The following KCNH1 variants were observed in gnomAD, a reference collection of about 807,000 sequenced individuals.
KCNH1 encodes the protein potassium voltage-gated channel subfamily H member 1.
KCNH1 carries 27 observed loss-of-function variants against 69.2 expected under a neutral mutation model. The observed-to-expected ratio is 0.39, with a 90% CI of 0.29 to 0.54. The LOEUF is 0.54. Among genes scored for constraint, KCNH1 ranks in the 20% least tolerant of loss-of-function variants. The probability of loss-of-function intolerance (pLI) is 0.68; values close to 1 mark genes in which losing one functional copy is unlikely to be tolerated. For synonymous variants in KCNH1, 456 were observed against 487.7 expected (o/e 0.93, Z 0.86); for missense variants, 798 against 1,261.6 (o/e 0.63, Z 5.57).
chr1:210,791,365 C>T (rs1470097574), intron 9 of KCNH1, among the ~76,000 whole-genome samples: 1 of 152,188 alleles, frequency 6.6e-6, no homozygotes, highest in Non-Finnish European at 1.5e-5. Flanking sequence ...AGATTCAGAA[C>T]CTGTGGGGAA....
At chr1:210,998,253 T>G (rs1689093207) in intron 6 of KCNH1, among the ~76,000 whole-genome samples, 1 of 152,196 alleles carries the variant, frequency 6.6e-6, no homozygotes, top group Admixed American at 6.5e-5. Flanking sequence ...CAGTGTGTTG[T>G]ATTCAGGAAA....
chr1:210,881,665 A>G (rs1432315870), intron 7 of KCNH1, among the ~76,000 whole-genome samples: 1 of 152,238 alleles, frequency 6.6e-6, no homozygotes, highest in Non-Finnish European at 1.5e-5. Flanking sequence ...TGGATAAACT[A>G]TCGTACATCC....
Position 211,103,507 on chromosome 1 carries a change from T to C in KCNH1, c.299A>G (p.Tyr100Cys), listed in dbSNP as rs766754245. The C allele has an allele frequency of 2.5e-6, 4 of 1,605,630 alleles. No homozygotes were observed. The South Asian group carries it at 3.3e-5, about 13-fold the overall frequency. ...YEMNSFEILM[Y>C]KKNRTPVWFF... Reference sequence around the variant, plus strand: ...GTCTCAATACTCACTGTTCTTCTTGTACATCAGAATTTCAAAGGAATTCAT... The same window carrying C: ...GTCTCAATACTCACTGTTCTTCTTGCACATCAGAATTTCAAAGGAATTCAT... Residue 100 changes from tyrosine to cysteine, a missense_variant, in exon 3 of 11, where the codon TAC becomes TGC. By Grantham distance (194) the Tyr-to-Cys change is radical. This residue lies in a region of KCNH1 where 266 missense variants were observed against 457.2 expected (regional missense o/e 0.58). Coordinates refer to ENST00000271751, the MANE Select transcript of KCNH1 (RefSeq NM_172362.3).
In KCNH1 at chr1:210,919,522, A is replaced by T. The variant is rs1687416352; in HGVS notation, c.1462+118T>A. On this transcript the variant is annotated intron_variant, in intron 7 of 10. Coordinates refer to ENST00000271751, the MANE Select transcript of KCNH1 (RefSeq NM_172362.3). The surrounding 1 kb of genome is among the most constrained non-coding windows in gnomAD (Gnocchi z 4.2). ...AGGGTAACTGTAAGCCTAGTCTTAA[A>T]AAAACTCTTCCTTGTTTTAAGTTAT... The T allele has an allele frequency of 9.8e-7, 1 of 1,025,546 alleles. No homozygotes were observed. Among genetic ancestry groups the T allele is most frequent in the Non-Finnish European group, 1.4e-6 (1 of 691,458 alleles). The allele number at this position is 1,025,546 out of a possible 1,614,324, so 63.5% of individuals were successfully genotyped here.
chr1:211,006,364 A>G (rs1268449595), intron 6 of KCNH1, among the ~76,000 whole-genome samples: 2 of 152,238 alleles, frequency 1.3e-5, no homozygotes, highest in Admixed American at 6.5e-5. Flanking sequence ...ATTACAAACA[A>G]TAACAATGAA....
intron 7 of KCNH1, among the ~76,000 whole-genome samples, chr1:210,865,030 G>A (rs1686075037): frequency 6.6e-6 from 1 of 152,208 alleles, no homozygotes; most frequent in Non-Finnish European, 1.5e-5. Flanking sequence ...GACCTTTGAT[G>A]ACTTAGCCTA....
chr1:210,809,765 G>C (rs1684661813), intron 7 of KCNH1, among the ~76,000 whole-genome samples: 1 of 152,178 alleles, frequency 6.6e-6, no homozygotes, highest in Admixed American at 6.5e-5. Flanking sequence ...GATTATCAGT[G>C]GTGGAGTCTT....
chr1:210,938,166 A>G (rs1211796837), intron 6 of KCNH1, among the ~76,000 whole-genome samples: 1 of 152,218 alleles, frequency 6.6e-6, no homozygotes, highest in Non-Finnish European at 1.5e-5. Context: ...AAAACCAGGT[A>G]TCATCATCTT....
rs1354245451 is a variant in KCNH1, at chr1:210,851,822, T to C, written c.1463-47656A>G. Reference sequence around the variant, plus strand: ...ACATAGAAAAGACACAGTAAAAATATGGTATTATAACATATGGGAACCACC... The same window carrying C: ...ACATAGAAAAGACACAGTAAAAATACGGTATTATAACATATGGGAACCACC... On this transcript the variant is annotated intron_variant, in intron 7 of 10. Transcript: ENST00000271751. Among the ~76,000 whole-genome samples the C allele has an allele frequency of 3.9e-5, 6 of 152,216 alleles. No individual in the cohort carries two copies. In the East Asian group the frequency reaches 5.8e-4, roughly 15 times the overall value.
chr1:210,737,835 C>G (rs1682916952), intron 10 of KCNH1, among the ~76,000 whole-genome samples: 1 of 152,246 alleles, frequency 6.6e-6, no homozygotes, highest in African/African-American at 2.4e-5. Flanking sequence ...ACCATTGTTT[C>G]TTAACCGGAT....
chr1:210,953,164 TTTTCCA>T (rs1461697403), intron 6 of KCNH1, among the ~76,000 whole-genome samples: 4 of 152,230 alleles, frequency 2.6e-5, no homozygotes, highest in Non-Finnish European at 5.9e-5. Flanking sequence ...AGGGTGAGAC[TTTTCCA>T]TTTTAAGGCT....
At chr1:210,776,316 TATAA>T (rs202143265) in intron 9 of KCNH1, among the ~76,000 whole-genome samples, 2,641 of 152,290 alleles carry the variant, frequency 0.017, 34 homozygotes, top group Middle Eastern at 0.034. Flanking sequence ...ATAGGCTCTA[TATAA>T]ATGGCATCTC....
chr1:210,775,845 T>C (rs532107377), intron 9 of KCNH1, among the ~76,000 whole-genome samples: 79 of 152,338 alleles, frequency 5.2e-4, no homozygotes, highest in East Asian at 1.5e-3. Context: ...CCCATTATTC[T>C]TTATCACACC....
At chr1:210,820,602 C>T (rs1684909495) in intron 7 of KCNH1, among the ~76,000 whole-genome samples, 2 of 152,136 alleles carry the variant, frequency 1.3e-5, no homozygotes, top group African/African-American at 2.4e-5. Context: ...TCACTACACT[C>T]CAGCCTGGGC....
At chr1:210,693,399 G>A (rs1681565497) in intron 10 of KCNH1, among the ~76,000 whole-genome samples, 1 of 152,212 alleles carries the variant, frequency 6.6e-6, no homozygotes, top group Non-Finnish European at 1.5e-5. Context: ...CTTCAGTGCA[G>A]GTGAAGTAGA....
intron 5 of KCNH1, among the ~76,000 whole-genome samples, chr1:211,049,458 G>A (rs766992025): frequency 2.6e-5 from 4 of 152,196 alleles, no homozygotes; most frequent in East Asian, 3.9e-4. Context: ...GGAATGTGGT[G>A]TGGCTGAAAC....
intron 7 of KCNH1, among the ~76,000 whole-genome samples, chr1:210,814,493 A>G (rs1574272806): frequency 6.6e-6 from 1 of 152,304 alleles, no homozygotes; most frequent in East Asian, 1.9e-4. Context: ...ACAAACATTA[A>G]ATACTCAGAT....
intron 10 of KCNH1, among the ~76,000 whole-genome samples, chr1:210,702,489 C>CTTAT (rs765153564): frequency 3.9e-5 from 6 of 152,082 alleles, no homozygotes; most frequent in Non-Finnish European, 5.9e-5. Context: ...TTTCTGCTAT[C>CTTAT]TTATTTTTTA....
intron 3 of KCNH1, among the ~76,000 whole-genome samples, chr1:211,100,645 C>G (rs1264394829): frequency 6.6e-6 from 1 of 152,218 alleles, no homozygotes; most frequent in Non-Finnish European, 1.5e-5. Context: ...GCCACTGCAC[C>G]CGGCCCCTCA....
Sources: allele counts gnomAD v4.1 joint callset (sites outside exome capture counted in the v4.1 genomes callset), GRCh38; gene constraint gnomAD v4.1.1; regional missense constraint gnomAD v4.1.1; non-coding constraint Gnocchi (gnomAD v3.1); transcripts MANE v1.5; gene names NCBI Gene and HGNC (gene_info 2026-07-23, HGNC 2026-07-21).